PTPRD: variants seen among roughly 807,000 people sequenced by gnomAD.
PTPRD encodes protein tyrosine phosphatase receptor type D.
PTPRD carries 34 observed loss-of-function variants against 214.5 expected under a neutral mutation model. The ratio of observed to expected loss-of-function variants is 0.16; its 90% CI spans 0.12 to 0.21. The LOEUF (loss-of-function observed/expected upper bound fraction) is 0.21, where lower values mean the gene tolerates loss of function less well. Ranked by LOEUF, PTPRD falls within the 10% of genes least tolerant of loss-of-function variation. The probability of loss-of-function intolerance (pLI) is 1.00; values close to 1 mark genes in which losing one functional copy is unlikely to be tolerated. For missense variants in PTPRD, 2,545 were observed against 2,398.7 expected (o/e 1.06, Z -1.27); for synonymous variants, 1,128 against 845.7 (o/e 1.33, Z -5.79).
intron 2 of PTPRD, among the ~76,000 whole-genome samples, chr9:10,555,617 A>C (rs2062383802): frequency 6.6e-6 from 1 of 152,206 alleles, no homozygotes; most frequent in African/African-American, 2.4e-5. Context: ...CATTCTAATT[A>C]CCGGCCTTGA....
intron 11 of PTPRD, among the ~76,000 whole-genome samples, chr9:8,914,945 A>G (rs1415523874): frequency 6.6e-6 from 1 of 152,156 alleles, no homozygotes; most frequent in Non-Finnish European, 1.5e-5. Flanking sequence ...TATACCAGAT[A>G]TGTGATGAAA....
chr9:9,055,315 T>C (rs2099694181), intron 10 of PTPRD, among the ~76,000 whole-genome samples: 1 of 152,174 alleles, frequency 6.6e-6, no homozygotes, highest in Non-Finnish European at 1.5e-5. Flanking sequence ...ACCACAAAAA[T>C]GATAACCATG....
intron 2 of PTPRD, among the ~76,000 whole-genome samples, chr9:10,542,324 T>A (rs1317355717): frequency 2.6e-5 from 4 of 152,122 alleles, no homozygotes; most frequent in Non-Finnish European, 5.9e-5. Flanking sequence ...CTACTTACTA[T>A]CCACTTGTTG....
intron 10 of PTPRD, among the ~76,000 whole-genome samples, chr9:9,042,569 G>T (rs1197711878): frequency 6.6e-6 from 1 of 150,778 alleles, no homozygotes; most frequent in Non-Finnish European, 1.5e-5. Context: ...GACTTGTTTT[G>T]CCCTGAGAGA....
At chr9:9,859,891 G>A (rs2062348063) in intron 5 of PTPRD, among the ~76,000 whole-genome samples, 2 of 152,042 alleles carry the variant, frequency 1.3e-5, no homozygotes, top group African/African-American at 4.8e-5. Flanking sequence ...CAGTATATTT[G>A]TACCTATTTA....
At chr9:8,567,881 T>C (rs1341973169) in intron 14 of PTPRD, among the ~76,000 whole-genome samples, 1 of 152,162 alleles carries the variant, frequency 6.6e-6, no homozygotes, top group Non-Finnish European at 1.5e-5. Flanking sequence ...GCCACACAAT[T>C]TATTCTTGTA....
At chr9:8,345,523 GT>G (rs1554746059) in intron 39 of PTPRD, among the ~76,000 whole-genome samples, 3 of 151,962 alleles carry the variant, frequency 2.0e-5, no homozygotes, top group Non-Finnish European at 4.4e-5. Context: ...TCTATCCTTG[GT>G]TTTAAGGACA....
chr9:9,214,784 G>A (rs1053566938), intron 9 of PTPRD, among the ~76,000 whole-genome samples: 1 of 152,084 alleles, frequency 6.6e-6, no homozygotes, highest in Non-Finnish European at 1.5e-5. Flanking sequence ...CTACTGTGTG[G>A]TTGGCACTAT....
chr9:9,905,157 T>G (rs1227803516), intron 5 of PTPRD, among the ~76,000 whole-genome samples: 5 of 151,948 alleles, frequency 3.3e-5, no homozygotes, highest in Non-Finnish European at 7.4e-5. Context: ...AACACGACAT[T>G]TTTTTTCAAA....
At chr9:8,758,365 A>T (rs1176723355) in intron 11 of PTPRD, among the ~76,000 whole-genome samples, 5 of 152,192 alleles carry the variant, frequency 3.3e-5, no homozygotes, top group Admixed American at 3.3e-4. Flanking sequence ...ATCAGGGCTG[A>T]ACTCTGTGAG....
chr9:9,992,747 C>G (rs1425680951), intron 4 of PTPRD, among the ~76,000 whole-genome samples: 5 of 151,702 alleles, frequency 3.3e-5, no homozygotes, highest in African/African-American at 1.2e-4. Flanking sequence ...GGGAGTTGAA[C>G]CATGAGAACA....
intron 2 of PTPRD, among the ~76,000 whole-genome samples, chr9:10,475,999 A>G (rs1417320586): frequency 2.6e-5 from 4 of 152,288 alleles, no homozygotes; most frequent in Non-Finnish European, 5.9e-5. Flanking sequence ...AATAAAATCT[A>G]TTTATAACAA....
At chr9:10,346,334 A>C (rs2097081123) in intron 2 of PTPRD, among the ~76,000 whole-genome samples, 1 of 152,158 alleles carries the variant, frequency 6.6e-6, no homozygotes, top group Non-Finnish European at 1.5e-5. Context: ...TTGAGGCTTC[A>C]ATTCATGTTT....
chr9:10,431,552 T>C (rs1169134654), intron 2 of PTPRD, among the ~76,000 whole-genome samples: 3 of 151,642 alleles, frequency 2.0e-5, no homozygotes, highest in Admixed American at 6.6e-5. Context: ...AAAGGGCTAA[T>C]ATCCAGAATC....
intron 3 of PTPRD, among the ~76,000 whole-genome samples, chr9:10,098,083 G>A (rs542057627): frequency 1.5e-4 from 23 of 151,782 alleles, no homozygotes; most frequent in Admixed American, 1.2e-3. Context: ...GCAAAGACTT[G>A]GAACCAATCC....
intron 31 of PTPRD, among the ~76,000 whole-genome samples, chr9:8,466,268 G>A (rs2096542580): frequency 6.6e-6 from 1 of 151,852 alleles, no homozygotes; most frequent in South Asian, 2.1e-4. Flanking sequence ...TTAGCTCCCT[G>A]GTTAGGCAAT....
At chr9:9,970,611 A>G (rs145553441) in intron 4 of PTPRD, among the ~76,000 whole-genome samples, 2,128 of 152,236 alleles carry the variant, frequency 0.014, 15 homozygotes, top group Admixed American at 0.029. Flanking sequence ...AATCTTAGCA[A>G]AAGATTTGTA....
chr9:9,516,126 T>C (rs1471384689), intron 8 of PTPRD, among the ~76,000 whole-genome samples: 1 of 152,182 alleles, frequency 6.6e-6, no homozygotes, highest in East Asian at 1.9e-4. Context: ...AAATTAAAAT[T>C]GATTTTTCCT....
At chr9:9,714,464 T>C (rs763965807) in intron 7 of PTPRD, among the ~76,000 whole-genome samples, 7 of 151,832 alleles carry the variant, frequency 4.6e-5, no homozygotes, top group Non-Finnish European at 1.0e-4. Flanking sequence ...ATATACAAAA[T>C]GAACATTATA....
Sources: gnomAD v4.1 joint callset for allele counts (sites outside exome capture counted in the v4.1 genomes callset) on GRCh38, gnomAD v4.1.1 for gene constraint, MANE v1.5 for transcripts, NCBI Gene and HGNC (gene_info 2026-07-23, HGNC 2026-07-21) for gene names.